TMEFF2: variants seen among roughly 807,000 people sequenced by gnomAD.
TMEFF2 encodes the protein tomoregulin-2.
In TMEFF2, 28 loss-of-function variants were observed where a neutral mutation model predicts 53.8. The observed-to-expected ratio is 0.52, with a 90% CI of 0.39 to 0.71. The LOEUF (loss-of-function observed/expected upper bound fraction) is 0.71, where lower values mean the gene tolerates loss of function less well. Ranked by LOEUF, TMEFF2 falls within the 30% of genes least tolerant of loss-of-function variation. TMEFF2 has a pLI of 0.00. For missense variants in TMEFF2, 353 were observed against 455.2 expected (o/e 0.78, Z 2.04); for synonymous variants, 162 against 166.3 (o/e 0.97, Z 0.20).
intron 4 of TMEFF2, among the ~76,000 whole-genome samples, chr2:192,063,461 T>C (rs1688096041): frequency 6.6e-6 from 1 of 151,896 alleles, no homozygotes; most frequent in Admixed American, 6.6e-5. Context: ...TATTGTAACT[T>C]CTTTTATGGC....
chr2:192,056,685 C>A (rs1297653147), intron 5 of TMEFF2, among the ~76,000 whole-genome samples: 4 of 152,008 alleles, frequency 2.6e-5, no homozygotes, highest in African/African-American at 9.7e-5. Context: ...TGTTGCTGTC[C>A]CCCTCCCCAG....
intron 7 of TMEFF2, among the ~76,000 whole-genome samples, chr2:191,980,565 C>T (rs368100103): frequency 9.9e-5 from 15 of 152,082 alleles, no homozygotes; most frequent in African/African-American, 3.6e-4. Flanking sequence ...GCTTCCAGGG[C>T]TTCTTGTTAT....
chr2:192,013,741 G>A (rs1415092519), intron 5 of TMEFF2, among the ~76,000 whole-genome samples: 1 of 152,140 alleles, frequency 6.6e-6, no homozygotes, highest in Non-Finnish European at 1.5e-5. Context: ...ATGAACCACT[G>A]CACCTGGCCC....
chr2:192,129,484 CTTTAG>C (rs1461879371), intron 4 of TMEFF2, among the ~76,000 whole-genome samples: 1 of 152,084 alleles, frequency 6.6e-6, no homozygotes, highest in East Asian at 1.9e-4. Context: ...TTTAATACTA[CTTTAG>C]TTTATGTCAA....
intron 5 of TMEFF2, among the ~76,000 whole-genome samples, chr2:192,055,840 T>C (rs1384290196): frequency 6.7e-6 from 1 of 149,458 alleles, no homozygotes; most frequent in Non-Finnish European, 1.5e-5. Flanking sequence ...AAAACATACA[T>C]TTGTTTACCT....
intron 4 of TMEFF2, among the ~76,000 whole-genome samples, chr2:192,119,633 T>C (rs1223557088): frequency 6.6e-6 from 1 of 152,224 alleles, no homozygotes; most frequent in Non-Finnish European, 1.5e-5. Flanking sequence ...GCATTTACTT[T>C]GGGGTTTCAC....
chr2:191,956,205 T>G, intron 8 of TMEFF2, 50 bp downstream of exon 8: 3 of 1,530,688 alleles, frequency 2.0e-6, no homozygotes, highest in Non-Finnish European at 2.6e-6. Flanking sequence ...CAATTTAGTT[T>G]CTACATATTA....
chr2:192,073,193 A>G (rs1313810232), intron 4 of TMEFF2, among the ~76,000 whole-genome samples: 1 of 151,974 alleles, frequency 6.6e-6, no homozygotes, highest in Non-Finnish European at 1.5e-5. Flanking sequence ...GTATTTTTAA[A>G]TGGGGAAGAT....
intron 4 of TMEFF2, among the ~76,000 whole-genome samples, chr2:192,160,702 C>T (rs1261236291): frequency 6.6e-6 from 1 of 151,462 alleles, no homozygotes; most frequent in South Asian, 2.1e-4. Context: ...TACAAAGGCA[C>T]CATGATGTAT....
chr2:192,020,292 G>T (rs1226082599), intron 5 of TMEFF2, among the ~76,000 whole-genome samples: 5 of 152,076 alleles, frequency 3.3e-5, no homozygotes, highest in Non-Finnish European at 7.4e-5. Flanking sequence ...TACTTTTTAT[G>T]TGTAGAGACT....
At chr2:192,193,787 G>T (rs1574452913) in intron 1 of TMEFF2, among the ~76,000 whole-genome samples, 2 of 109,068 alleles carry the variant, frequency 1.8e-5, no homozygotes, top group East Asian at 3.0e-4. Flanking sequence ...GAGAGAGAGA[G>T]AGAGAGAGAG....
intron 4 of TMEFF2, among the ~76,000 whole-genome samples, chr2:192,101,185 G>C (rs968132724): frequency 2.0e-5 from 3 of 152,146 alleles, no homozygotes; most frequent in Non-Finnish European, 4.4e-5. Context: ...TGAAACAGTA[G>C]AGTTTAATTA....
intron 4 of TMEFF2, among the ~76,000 whole-genome samples, chr2:192,088,430 T>G (rs1167084680): frequency 3.9e-5 from 6 of 152,102 alleles, no homozygotes; most frequent in Non-Finnish European, 8.8e-5. Context: ...AAATCACCTC[T>G]GTGAATTTGC....
chr2:191,979,842 C>CTCTATCTATCTATCTATCTATCTATCTA (rs945433067), intron 7 of TMEFF2, among the ~76,000 whole-genome samples: 6 of 147,252 alleles, frequency 4.1e-5, no homozygotes, highest in African/African-American at 1.6e-4. Context: ...CTATATATAT[C>CTCTATCTATCTATCTATCTATCTATCTA]TCTATCTATC....
intron 4 of TMEFF2, among the ~76,000 whole-genome samples, chr2:192,092,612 A>T (rs766009704): frequency 2.6e-5 from 4 of 152,154 alleles, no homozygotes; most frequent in South Asian, 2.1e-4. Flanking sequence ...TAAATATGTT[A>T]TCTTACATGG....
At chr2:192,071,455 T>C (rs1688290358) in intron 4 of TMEFF2, among the ~76,000 whole-genome samples, 1 of 151,850 alleles carries the variant, frequency 6.6e-6, no homozygotes, top group South Asian at 2.1e-4. Flanking sequence ...GAGGTCTATA[T>C]TACAGACCTA....
intron 4 of TMEFF2, among the ~76,000 whole-genome samples, chr2:192,102,837 T>C (rs879912822): frequency 5.9e-5 from 9 of 151,934 alleles, no homozygotes; most frequent in African/African-American, 1.5e-4. Context: ...TCCGAAAGTA[T>C]TGGAATTACA....
At chr2:192,102,626 C>CTTTTTTTTTTTTTTTTTTTTTTTTT (rs10635775) in intron 4 of TMEFF2, among the ~76,000 whole-genome samples, 1 of 109,842 alleles carries the variant, frequency 9.1e-6, no homozygotes, top group Admixed American at 1.1e-4. Context: ...TTTTCTTGTT[C>CTTTTTTTTTTTTTTTTTTTTTTTTT]TTTTTTTTTT....
At chr2:192,047,761 T>A (rs1687659064) in intron 5 of TMEFF2, among the ~76,000 whole-genome samples, 2 of 152,260 alleles carry the variant, frequency 1.3e-5, no homozygotes, top group African/African-American at 4.8e-5. Flanking sequence ...TTTTACAATT[T>A]GTTCAATCAT....
Sources: gnomAD v4.1 joint callset for allele counts (sites outside exome capture counted in the v4.1 genomes callset) on GRCh38, gnomAD v4.1.1 for gene constraint, MANE v1.5 for transcripts, NCBI Gene and HGNC (gene_info 2026-07-23, HGNC 2026-07-21) for gene names.